The following STAG2 variants were observed in gnomAD, a reference collection of about 807,000 sequenced individuals.
The protein encoded by STAG2 is STAG2 cohesin complex component.
Under a neutral mutation model 108.1 loss-of-function variants are expected in STAG2, and 14 were observed. That is an observed-to-expected ratio of 0.13 (90% CI 0.09 to 0.20). STAG2 has a LOEUF of 0.20. Among genes scored for constraint, STAG2 ranks in the 10% least tolerant of loss-of-function variants. The pLI, the probability that STAG2 is intolerant of heterozygous loss-of-function variation, is 1.00. For synonymous variants in STAG2, 307 were observed against 302.7 expected, an observed-to-expected ratio of 1.01 and a Z score of -0.15; for missense variants, 440 against 940.9, an observed-to-expected ratio of 0.47 and a Z score of 6.96.
At chrX:124,010,631 C>T (rs763473575) in intron 1 of STAG2, among the ~76,000 whole-genome samples, 1 of 111,453 alleles carries the variant, frequency 9.0e-6, no homozygotes, top group South Asian at 3.7e-4. Flanking sequence ...TTCTTGGAAA[C>T]TTGGGCTTTA....
intron 3 of STAG2, among the ~76,000 whole-genome samples, chrX:124,024,341 T>C (rs2057024880): frequency 9.0e-6 from 1 of 111,357 alleles, no homozygotes; most frequent in Non-Finnish European, 1.9e-5. Context: ...AAGAAATAAA[T>C]ATTACTTATA....
At chrX:123,982,384 G>A (rs1309816998) in intron 1 of STAG2, among the ~76,000 whole-genome samples, 3 of 110,694 alleles carry the variant, frequency 2.7e-5, no homozygotes, top group Non-Finnish European at 3.8e-5. Flanking sequence ...GTTTTTTTGA[G>A]ATGGAGTCTT....
intron 30 of STAG2, among the ~76,000 whole-genome samples, chrX:124,087,106 A>G (rs1463359703): frequency 8.9e-6 from 1 of 112,108 alleles, no homozygotes; most frequent in East Asian, 2.8e-4. Flanking sequence ...AGGGAAATGG[A>G]CTCAGTATTA....
At chrX:124,047,892 C>T (rs1469203267) in intron 9 of STAG2, among the ~76,000 whole-genome samples, 1 of 112,150 alleles carries the variant, frequency 8.9e-6, no homozygotes, top group Non-Finnish European at 1.9e-5. Flanking sequence ...GCATCTAAAT[C>T]AGTGTTTTTT....
chrX:124,048,038 C>A lies in STAG2; in HGVS notation c.819+533C>A, dbSNP rs532360531. Among the ~76,000 whole-genome samples, 5 of 111,973 alleles carry A rather than the reference C, an allele frequency of 4.5e-5. No homozygotes were observed. In the South Asian group the frequency reaches 1.8e-3, roughly 41 times the overall value. ...TGATGCTGCGGCTGTAATTTAAATT[C>A]TTTCTTCATTGGTGATAAAATATTT... On this transcript the variant is annotated intron_variant, in intron 9 of 34. Transcript: ENST00000371145.
At position 124,084,118 on chromosome X, in the gene STAG2, G is replaced by A. The variant is rs373156337; in HGVS notation, c.3053+569G>A. Among the ~76,000 whole-genome samples the A allele has an allele frequency of 1.7e-4, 19 of 111,612 alleles. No individual in the cohort carries two copies. The South Asian group carries it at 5.2e-3, about 31-fold the overall frequency. On this transcript the variant is annotated intron_variant, in intron 29 of 34. Transcript: ENST00000371145. The stretch of plus-strand genomic sequence containing the variant: ...AATTCTCAAAAATCTTCTACCTTTC[G>A]CCATGGCTTTGAGGTGTAAAAGGGC...
intron 1 of STAG2, among the ~76,000 whole-genome samples, chrX:123,998,074 G>A (rs761415156): frequency 9.0e-6 from 1 of 111,487 alleles, no homozygotes; most frequent in East Asian, 2.8e-4. Flanking sequence ...TATGAACATG[G>A]GTACATAAAT....
chrX:124,065,446 A>G (rs1379180663), intron 20 of STAG2, among the ~76,000 whole-genome samples: 2 of 111,379 alleles, frequency 1.8e-5, no homozygotes, highest in Non-Finnish European at 3.8e-5. Flanking sequence ...CATTTTTCAG[A>G]GGGTTTTTCC....
chrX:124,065,246 A>G (rs1371629534), intron 20 of STAG2, among the ~76,000 whole-genome samples: 1 of 112,343 alleles, frequency 8.9e-6, no homozygotes, highest in Non-Finnish European at 1.9e-5. Context: ...ATTACTTTGT[A>G]GAAGAGTTAT....
At chrX:124,066,994 A>G (rs1298620109) in intron 23 of STAG2, among the ~76,000 whole-genome samples, 1 of 111,670 alleles carries the variant, frequency 9.0e-6, no homozygotes, top group Non-Finnish European at 1.9e-5. Context: ...GGAAGCTTAA[A>G]CATTGTACTT....
At position 124,021,399 on chromosome X, in the gene STAG2, A is replaced by T. The variant is rs1049694483; in HGVS notation, c.-130A>T. 6 of 111,945 alleles carry T rather than the reference A, an allele frequency of 5.4e-5. No individual in the cohort carries two copies. The highest frequency in any genetic ancestry group is 1.1e-4 in the Non-Finnish European group (6 of 53,222). The allele number at this position is 111,945 out of a possible 1,213,427, so 9.2% of individuals were successfully genotyped here. A position where few individuals can be genotyped will look rare whatever the true frequency, so the allele number is the denominator to read the frequency against. ...CCGAGTACTAAATTCACTTGGGAATAAAAGAAAAACATAAGAAAATTATAA... is the reference window on the plus strand; with the variant it reads ...CCGAGTACTAAATTCACTTGGGAATTAAAGAAAAACATAAGAAAATTATAA... On this transcript the variant is annotated 5_prime_UTR_variant, in exon 2 of 35. Transcript: ENST00000371145.
intron 8 of STAG2, among the ~76,000 whole-genome samples, chrX:124,047,022 G>A (rs1376490072): frequency 9.0e-6 from 1 of 111,114 alleles, no homozygotes; most frequent in Non-Finnish European, 1.9e-5. Context: ...TGGGATTTAA[G>A]GATAGACTGG....
At chrX:124,019,466 T>C (rs2056852561) in intron 1 of STAG2, among the ~76,000 whole-genome samples, 1 of 111,743 alleles carries the variant, frequency 8.9e-6, no homozygotes, top group Admixed American at 9.6e-5. Context: ...TCCTGTTCAC[T>C]GTTGTATTCT....
At chrX:124,045,676 A>G (rs937347380) in intron 8 of STAG2, among the ~76,000 whole-genome samples, 4 of 111,522 alleles carry the variant, frequency 3.6e-5, no homozygotes, top group African/African-American at 1.3e-4. Flanking sequence ...TGCCACAGCA[A>G]GGGAAAATTG....
At chrX:124,076,782 A>G (rs2058812920) in intron 26 of STAG2, among the ~76,000 whole-genome samples, 1 of 109,557 alleles carries the variant, frequency 9.1e-6, no homozygotes, top group Non-Finnish European at 1.9e-5. Context: ...GTAGCATTAA[A>G]AAGAGTTTCA....
chrX:124,031,643 C>G (rs1482713736), intron 5 of STAG2, among the ~76,000 whole-genome samples: 1 of 109,263 alleles, frequency 9.2e-6, no homozygotes, highest in Admixed American at 9.9e-5. Context: ...GTCTCAAACT[C>G]CTAGCCTCAA....
At chrX:124,012,718 TCAC>T (rs1360732957) in intron 1 of STAG2, among the ~76,000 whole-genome samples, 4 of 112,123 alleles carry the variant, frequency 3.6e-5, no homozygotes, top group Non-Finnish European at 7.5e-5. Flanking sequence ...ATATTAATAG[TCAC>T]CACATTTTTA....
intron 1 of STAG2, among the ~76,000 whole-genome samples, chrX:124,009,174 G>A (rs1435237644): frequency 1.8e-5 from 2 of 110,768 alleles, no homozygotes; most frequent in Non-Finnish European, 3.8e-5. Flanking sequence ...GTTCTTTTGG[G>A]GATATTGATT....
chrX:124,082,225 C>A (rs926225514), intron 28 of STAG2, among the ~76,000 whole-genome samples: 3 of 110,983 alleles, frequency 2.7e-5, no homozygotes, highest in African/African-American at 9.8e-5. Flanking sequence ...TTGTAGTGAC[C>A]TTTTCCCATG....
Sources: allele counts gnomAD v4.1 joint callset (sites outside exome capture counted in the v4.1 genomes callset), GRCh38; gene constraint gnomAD v4.1.1; transcripts MANE v1.5; gene names NCBI Gene and HGNC (gene_info 2026-07-23, HGNC 2026-07-21).